The following TRPM3 variants were observed in gnomAD, a reference collection of about 807,000 sequenced individuals.
TRPM3 encodes the protein long transient receptor potential channel 3.
TRPM3 carries 77 observed loss-of-function variants against 181.2 expected under a neutral mutation model. That is an observed-to-expected ratio of 0.42 (90% confidence interval 0.35 to 0.51). The LOEUF (loss-of-function observed/expected upper bound fraction) is 0.51. TRPM3 is among the 20% of genes least tolerant of loss of function. The probability of loss-of-function intolerance (pLI) is 0.01; values close to 1 mark genes in which losing one functional copy is unlikely to be tolerated. For synonymous variants in TRPM3, 745 were observed against 796.4 expected (o/e 0.94, Z 1.09); for missense variants, 1,759 against 2,196.7 (o/e 0.80, Z 3.98).
intron 1 of TRPM3, among the ~76,000 whole-genome samples, chr9:71,042,900 T>C (rs777569150): frequency 6.6e-6 from 1 of 152,176 alleles, no homozygotes; most frequent in Non-Finnish European, 1.5e-5. Flanking sequence ...TGTTAAAGTA[T>C]AGGTAATAAA....
At chr9:71,145,851 C>G (rs187928270) in intron 1 of TRPM3, among the ~76,000 whole-genome samples, 497 of 151,732 alleles carry the variant, frequency 3.3e-3, no homozygotes, top group African/African-American at 0.011. Flanking sequence ...TTCCAAAGTA[C>G]AAAATTAAAC....
At chr9:70,569,921 C>A (rs1228367144) in intron 22 of TRPM3, among the ~76,000 whole-genome samples, 1 of 152,102 alleles carries the variant, frequency 6.6e-6, no homozygotes, top group Non-Finnish European at 1.5e-5. Flanking sequence ...TTGCTTAGGT[C>A]TGTCTCCAGT....
At chr9:70,696,265 G>A (rs12352329) in intron 8 of TRPM3, among the ~76,000 whole-genome samples, 44,366 of 152,062 alleles carry the variant, frequency 0.29, 6,747 homozygotes, top group African/African-American at 0.33. Context: ...GACCACTCCC[G>A]ATTAGGTTCA....
At chr9:70,595,519 G>A (rs968718228) in intron 21 of TRPM3, among the ~76,000 whole-genome samples, 123 of 152,228 alleles carry the variant, frequency 8.1e-4, no homozygotes, top group African/African-American at 2.6e-3. Flanking sequence ...TACAGCCCAC[G>A]ATATCAGCAG....
chr9:71,129,991 TA>T (rs1323032579), intron 1 of TRPM3, among the ~76,000 whole-genome samples: 3 of 152,174 alleles, frequency 2.0e-5, no homozygotes, highest in African/African-American at 7.2e-5. Flanking sequence ...CAGTATTTAT[TA>T]AATGGAAAAA....
At chr9:71,366,724 T>A (rs763716449) in intron 1 of TRPM3, among the ~76,000 whole-genome samples, 1 of 152,206 alleles carries the variant, frequency 6.6e-6, no homozygotes, top group Non-Finnish European at 1.5e-5. Context: ...TTTTATTACA[T>A]GACAGCTATA....
At chr9:71,282,472 C>G (rs928424047) in intron 1 of TRPM3, among the ~76,000 whole-genome samples, 24 of 151,898 alleles carry the variant, frequency 1.6e-4, no homozygotes, top group Admixed American at 3.9e-4. Context: ...CTCACTCACC[C>G]CAAGCAGGTA....
intron 2 of TRPM3, 139 bp downstream of exon 2, chr9:70,864,293 T>C (rs1292099948): frequency 3.7e-6 from 2 of 534,710 alleles, no homozygotes; most frequent in Admixed American, 7.1e-5. Context: ...ATAAATAAGA[T>C]TGCCTCAAAG....
At chr9:71,234,955 G>T (rs1035840964) in intron 1 of TRPM3, among the ~76,000 whole-genome samples, 3 of 152,100 alleles carry the variant, frequency 2.0e-5, no homozygotes, top group African/African-American at 7.2e-5. Context: ...TCCTACATAG[G>T]CTTCATAGGA....
At chr9:71,240,077 C>T (rs1288423853) in intron 1 of TRPM3, among the ~76,000 whole-genome samples, 1 of 152,096 alleles carries the variant, frequency 6.6e-6, no homozygotes, top group Admixed American at 6.6e-5. Flanking sequence ...TAAAGAGAAC[C>T]TATGGCATCT....
intron 1 of TRPM3, among the ~76,000 whole-genome samples, chr9:71,109,972 T>C (rs2134191829): frequency 6.6e-6 from 1 of 152,278 alleles, no homozygotes; most frequent in African/African-American, 2.4e-5. Context: ...TCATTTTCAG[T>C]CCCTGTACAT....
At chr9:71,023,922 C>T (rs771883844) in intron 1 of TRPM3, among the ~76,000 whole-genome samples, 3 of 152,040 alleles carry the variant, frequency 2.0e-5, no homozygotes, top group Admixed American at 1.3e-4. Context: ...TTCTTGACTG[C>T]GGTGTGGTTA....
At chr9:71,092,900 A>T (rs1760703961) in intron 1 of TRPM3, among the ~76,000 whole-genome samples, 1 of 152,186 alleles carries the variant, frequency 6.6e-6, no homozygotes, top group African/African-American at 2.4e-5. Context: ...AAACAGATAT[A>T]TAGACCAATG....
chr9:71,245,132 T>C (rs1259833020), intron 1 of TRPM3, among the ~76,000 whole-genome samples: 1 of 152,024 alleles, frequency 6.6e-6, no homozygotes, highest in African/African-American at 2.4e-5. Flanking sequence ...GGTGGTTTTG[T>C]GTCAGATCAA....
In TRPM3 at chr9:71,252,930, G is replaced by T. The variant is rs956183119; in HGVS notation, c.183+193723C>A. Reference sequence around the variant, plus strand: ...TTGAACTCCTGAGGTCAAGCAATCTGCCTGCTTTGGCCTCCTGAAGTGCTG... The same window carrying T: ...TTGAACTCCTGAGGTCAAGCAATCTTCCTGCTTTGGCCTCCTGAAGTGCTG... On this transcript the variant is annotated intron_variant, in intron 1 of 24. Coordinates refer to the TRPM3 transcript ENST00000357533. 4.9e-4 allele frequency among the ~76,000 whole-genome samples: 69 copies of T among 141,146 alleles called. 1 individual carries two copies. The highest frequency in any genetic ancestry group is 3.1e-4 in the Admixed American group (4 of 12,964). 92.6% of individuals were successfully genotyped at this position (141,146 alleles called of 152,430 possible). A position where few individuals can be genotyped will look rare whatever the true frequency, so the allele number is the denominator to read the frequency against.
intron 22 of TRPM3, among the ~76,000 whole-genome samples, chr9:70,582,210 GTC>G (rs1491075198): frequency 3.4e-5 from 5 of 145,040 alleles, no homozygotes; most frequent in East Asian, 2.0e-4. Context: ...GTGTGTGTGT[GTC>G]ATGAATCCAT....
At chr9:71,217,112 G>A (rs1212911722) in intron 1 of TRPM3, among the ~76,000 whole-genome samples, 2 of 150,960 alleles carry the variant, frequency 1.3e-5, no homozygotes, top group Non-Finnish European at 3.0e-5. Flanking sequence ...TACCACGCCC[G>A]GCTAATTTTT....
intron 6 of TRPM3, among the ~76,000 whole-genome samples, chr9:70,818,482 A>G (rs2092893233): frequency 2.0e-5 from 3 of 152,230 alleles, no homozygotes; most frequent in East Asian, 1.9e-4. Context: ...CCTCTCCCCA[A>G]AGTCAGCTAA....
chr9:71,056,432 T>G (rs1029134458), intron 1 of TRPM3, among the ~76,000 whole-genome samples: 1 of 152,042 alleles, frequency 6.6e-6, no homozygotes, highest in Non-Finnish European at 1.5e-5. Context: ...ATTAGGCTTC[T>G]TATGTCCTGT....
Sources: allele counts gnomAD v4.1 joint callset (sites outside exome capture counted in the v4.1 genomes callset), GRCh38; gene constraint gnomAD v4.1.1; transcripts MANE v1.5; gene names NCBI Gene and HGNC (gene_info 2026-07-23, HGNC 2026-07-21).